FNDC3A: variants seen among roughly 807,000 people sequenced by gnomAD.
FNDC3A encodes fibronectin type-III domain-containing protein 3A.
A neutral mutation model predicts 148.9 loss-of-function variants in FNDC3A; 32 were observed. The observed-to-expected ratio is 0.21, with a 90% CI of 0.16 to 0.29. FNDC3A has a LOEUF of 0.29. Among genes scored for constraint, FNDC3A ranks in the 10% least tolerant of loss-of-function variants. FNDC3A has a pLI of 1.00. For missense variants in FNDC3A, 1,191 were observed against 1,452.8 expected, an observed-to-expected ratio of 0.82 and a Z score of 2.93; for synonymous variants, 472 against 473.6, an observed-to-expected ratio of 1.00 and a Z score of 0.04.
intron 3 of FNDC3A, among the ~76,000 whole-genome samples, chr13:49,087,693 A>G (rs145900853): frequency 1.3e-5 from 2 of 152,298 alleles, no homozygotes; most frequent in East Asian, 3.9e-4. Flanking sequence ...GCTAATTCCT[A>G]AGAATTATGT....
rs1374992865 is a variant in FNDC3A, at chr13:49,110,316, C to T, written c.176-4339C>T. The T allele has an allele frequency of 1.9e-6, 3 of 1,552,410 alleles. No homozygotes were observed. The East Asian group carries it at 6.9e-5, about 36-fold the overall frequency. ...ACAGCCTTGCAAAAAAAAAAAAAGC[C>T]GTTCTCCAATTAAAGCTGTTAACGT... On this transcript the variant is annotated intron_variant, in intron 3 of 25. Transcript: ENST00000492622.
chr13:49,094,085 A>G (rs1029099850), intron 3 of FNDC3A, among the ~76,000 whole-genome samples: 1 of 152,154 alleles, frequency 6.6e-6, no homozygotes, highest in Non-Finnish European at 1.5e-5. Flanking sequence ...CTTCATTTAT[A>G]CCTAAGAAAT....
chr13:49,205,818 A>T (rs1295697053), intron 25 of FNDC3A, among the ~76,000 whole-genome samples: 1 of 152,146 alleles, frequency 6.6e-6, no homozygotes, highest in Non-Finnish European at 1.5e-5. Context: ...ATTTTTATTT[A>T]TTGCCAATAA....
chr13:49,103,602 C>G (rs1339018050), intron 3 of FNDC3A, among the ~76,000 whole-genome samples: 1 of 152,136 alleles, frequency 6.6e-6, no homozygotes, highest in African/African-American at 2.4e-5. Context: ...TAGGAGAATA[C>G]TGGAATAGTT....
intron 8 of FNDC3A, among the ~76,000 whole-genome samples, chr13:49,153,321 T>C (rs1437771898): frequency 6.6e-6 from 1 of 152,214 alleles, no homozygotes; most frequent in Non-Finnish European, 1.5e-5. Flanking sequence ...TGTCTTCTTT[T>C]GAGAAGTGTC....
At chr13:49,119,160 C>T (rs1305748257) in intron 4 of FNDC3A, among the ~76,000 whole-genome samples, 1 of 152,216 alleles carries the variant, frequency 6.6e-6, no homozygotes, top group African/African-American at 2.4e-5. Flanking sequence ...GAGGAAAGAA[C>T]AGGCAGCAGT....
At chr13:49,174,678 TGATATA>T (rs2138062354) in intron 12 of FNDC3A, 119 bp downstream of exon 12, 2 of 891,972 alleles carry the variant, frequency 2.2e-6, no homozygotes, top group East Asian at 5.4e-5. Flanking sequence ...ATCTCTTTGT[TGATATA>T]GTTAAGATGT....
intron 3 of FNDC3A, among the ~76,000 whole-genome samples, chr13:49,111,725 C>CAAA (rs1231985235): frequency 7.2e-5 from 6 of 83,084 alleles, no homozygotes; most frequent in African/African-American, 1.8e-4. Flanking sequence ...AACTCCGTCT[C>CAAA]AAAAAAAAAA....
chr13:49,080,520 G>A (rs559649766), intron 3 of FNDC3A, among the ~76,000 whole-genome samples: 11 of 152,234 alleles, frequency 7.2e-5, no homozygotes, highest in South Asian at 4.1e-4. Context: ...TTGTTCTTAC[G>A]TTTTCATAGT....
At position 49,191,111 on chromosome 13, in the gene FNDC3A, T is replaced by C. The variant is rs777051338; in HGVS notation, c.2041T>C (p.Leu681=). Residue 681 remains leucine (L), a synonymous_variant, in exon 18 of 26, where the codon TTA becomes CTA. Transcript: ENST00000492622. ...QGRPKAKEIQ[L]RWGPPLVDGG... ...TAGACCCAAAGCAAAAGAAATACAG[T>C]TACGATGGGGTAATTTCCATTTTGG... 6.2e-7 allele frequency: 1 copy of C among 1,611,914 alleles called. No homozygotes were observed. Among genetic ancestry groups the C allele is most frequent in the South Asian group, 1.1e-5 (1 of 90,640 alleles).
intron 1 of FNDC3A, among the ~76,000 whole-genome samples, chr13:48,989,492 G>A (rs1345207594): frequency 1.3e-5 from 2 of 152,126 alleles, no homozygotes; most frequent in African/African-American, 2.4e-5. Flanking sequence ...TTAAAATTAC[G>A]TGTCAAAGAC....
intron 2 of FNDC3A, among the ~76,000 whole-genome samples, chr13:49,038,419 C>CTT (rs914966772): frequency 1.3e-5 from 2 of 152,030 alleles, no homozygotes; most frequent in African/African-American, 4.8e-5. Context: ...GGCTGGTTTC[C>CTT]TTATAAGAAC....
intron 4 of FNDC3A, among the ~76,000 whole-genome samples, chr13:49,118,938 C>T (rs941442860): frequency 6.6e-6 from 1 of 152,242 alleles, no homozygotes; most frequent in African/African-American, 2.4e-5. Context: ...CTTCAGCAGA[C>T]GTAAACGTTC....
intron 3 of FNDC3A, 151 bp downstream of exon 3, chr13:49,075,515 G>T: frequency 3.7e-6 from 2 of 542,458 alleles, no homozygotes; most frequent in Non-Finnish European, 6.7e-6. Flanking sequence ...TTTAAGTATT[G>T]CAGTGTCATT....
chr13:49,002,237 C>T (rs1952139771), intron 1 of FNDC3A, among the ~76,000 whole-genome samples: 1 of 152,136 alleles, frequency 6.6e-6, no homozygotes, highest in Non-Finnish European at 1.5e-5. Context: ...TTGCCCTTTC[C>T]TGATCTTAAA....
intron 1 of FNDC3A, among the ~76,000 whole-genome samples, chr13:49,000,731 T>A (rs551131804): frequency 1.3e-5 from 2 of 152,212 alleles, no homozygotes; most frequent in Non-Finnish European, 2.9e-5. Context: ...CATTTATTTG[T>A]GTTTTTAATT....
intron 2 of FNDC3A, among the ~76,000 whole-genome samples, chr13:49,028,841 G>A (rs575941053): frequency 8.5e-5 from 13 of 152,264 alleles, no homozygotes; most frequent in African/African-American, 2.2e-4. Flanking sequence ...AGGTATGAAC[G>A]ACACTGTAAA....
At position 49,032,722 on chromosome 13, in the gene FNDC3A, C is replaced by T. The variant is rs558850540; in HGVS notation, c.99+26433C>T. Among the ~76,000 whole-genome samples the T allele has an allele frequency of 1.9e-4, 29 of 151,208 alleles. 1 individual carries two copies. In the South Asian group the frequency reaches 5.8e-3, roughly 30 times the overall value. ...CTGCACTCCAGCCTGGGCGACAGAG[C>T]GAGACTCCGTCTCAAAAAAAAAAAA... On this transcript the variant is annotated intron_variant, in intron 2 of 25. Transcript: ENST00000492622.
intron 3 of FNDC3A, among the ~76,000 whole-genome samples, chr13:49,077,503 C>G (rs1336623229): frequency 6.6e-6 from 1 of 152,194 alleles, no homozygotes; most frequent in African/African-American, 2.4e-5. Context: ...AAGTAATCAG[C>G]TCAGTAATTA....
Sources: gnomAD v4.1 joint callset for allele counts (sites outside exome capture counted in the v4.1 genomes callset) on GRCh38, gnomAD v4.1.1 for gene constraint, MANE v1.5 for transcripts, NCBI Gene and HGNC (gene_info 2026-07-23, HGNC 2026-07-21) for gene names.